The following CHD8 variants were observed in gnomAD, a reference collection of about 807,000 sequenced individuals.
CHD8 encodes the protein ATP-dependent chromatin remodeler CHD8.
CHD8 carries 31 observed loss-of-function variants against 279.2 expected under a neutral mutation model. The ratio of observed to expected loss-of-function variants is 0.11; its 90% CI spans 0.08 to 0.15. The LOEUF is 0.15. Ranked by LOEUF, CHD8 falls within the 10% of genes least tolerant of loss-of-function variation. CHD8 has a pLI of 1.00. For synonymous variants in CHD8, 1,081 were observed against 1,139.6 expected (o/e 0.95, Z 1.04); for missense variants, 2,146 against 3,230.5 (o/e 0.66, Z 8.14).
At chr14:21,397,726 G>T in intron 27 of CHD8, 97 bp downstream of exon 27, 1 of 1,280,000 alleles carries the variant, frequency 7.8e-7, no homozygotes, top group Non-Finnish European at 1.1e-6. Flanking sequence ...TCACTTTTGA[G>T]TATAATTACA....
intron 2 of CHD8, 137 bp downstream of exon 2, chr14:21,430,664 G>A (rs933326421): frequency 1.3e-5 from 8 of 621,134 alleles, no homozygotes; most frequent in Non-Finnish European, 2.0e-5. Context: ...GTATGTGGCT[G>A]TCACACTAAC....
At chr14:21,391,778 T>C in intron 35 of CHD8, 55 bp downstream of exon 35, 1 of 1,535,380 alleles carries the variant, frequency 6.5e-7, no homozygotes, top group East Asian at 2.3e-5. Flanking sequence ...TCATCAATTA[T>C]TGGGAATAAA....
chr14:21,395,397 G>C lies in CHD8; in HGVS notation c.5128-45C>G, dbSNP rs761132070. On this transcript the variant is annotated intron_variant, in intron 28 of 37. Coordinates refer to ENST00000646647, the MANE Select transcript of CHD8 (RefSeq NM_001170629.2). ...CAATAGGATGGAGCGGGGAGGGAAA[G>C]GGGGGGAAGTTGGCACTCTGAAATC... The C allele has an allele frequency of 1.1e-5, 16 of 1,417,326 alleles. No individual in the cohort carries two copies. In the African/African-American group the frequency reaches 1.7e-4, roughly 15 times the overall value. 87.8% of individuals were successfully genotyped at this position (1,417,326 alleles called of 1,614,324 possible).
intron 1 of CHD8, chr14:21,455,244 C>T (rs1004461506): frequency 6.6e-6 from 1 of 152,202 alleles, no homozygotes; most frequent in African/African-American, 2.4e-5. Flanking sequence ...TCTGTGAAGA[C>T]CCTAACCGCT....
chr14:21,386,211 G>A (rs745486291), intron 37 of CHD8, 35 bp from the exon 38 acceptor site: 23 of 1,514,246 alleles, frequency 1.5e-5, no homozygotes, highest in Middle Eastern at 1.8e-4. Flanking sequence ...TAAAAAGAAA[G>A]AAAGGGGAAA....
In CHD8 at chr14:21,405,994, AGT is replaced by A; in HGVS notation, c.2908-132_2908-131del. 3.5e-5 allele frequency: 22 copies of A among 629,468 alleles called. No individual in the cohort carries two copies. Among genetic ancestry groups the A allele is most frequent in the South Asian group, 7.0e-5 (2 of 28,408 alleles). The allele number at this position is 629,468 out of a possible 1,614,324, so 39.0% of individuals were successfully genotyped here. On this transcript the variant is annotated intron_variant, in intron 14 of 37. Coordinates refer to ENST00000646647, the MANE Select transcript of CHD8 (RefSeq NM_001170629.2). The surrounding 1 kb of genome is among the most constrained non-coding windows in gnomAD (Gnocchi z 4.2). ...ATCTATAAAATGATGAGAATGGACC[AGT>A]GATCTGGTCCATTAATTTTTCTTCC... is the stretch of plus-strand genomic sequence containing the variant.
In CHD8 at chr14:21,415,821, CTCT is replaced by C. The variant is rs757502536; in HGVS notation, c.1800_1802del (p.Glu601del). On this transcript the variant is annotated inframe_deletion, in exon 6 of 38. Transcript: ENST00000646647. ...GTTTTATTGGACCAGTTACATCCACCTCTTCTTCTTCTTCATCATCTGTGATCT... is the reference window on the plus strand; with the variant it reads ...GTTTTATTGGACCAGTTACATCCACCTCTTCTTCTTCATCATCTGTGATCT... 9.6e-5 allele frequency: 155 copies of C among 1,613,528 alleles called. No homozygotes were observed. The highest frequency in any genetic ancestry group is 1.0e-4 in the Non-Finnish European group (123 of 1,179,614).
At position 21,399,681 on chromosome 14, in the gene CHD8, T is replaced by C; in HGVS notation, c.4842A>G (p.Val1614=). The C allele has an allele frequency of 6.2e-7, 1 of 1,612,026 alleles. No individual in the cohort carries two copies. Among genetic ancestry groups the C allele is most frequent in the Non-Finnish European group, 8.5e-7 (1 of 1,178,124 alleles). ...TTGTTGGAACCTCCAGTTGATCCAC[T>C]ACTGGGAACCATATGTCAATCTCAC... ...IASEIDIWFP[V]VDQLEVPTTW... Residue 1614 remains valine, a synonymous_variant, in exon 26 of 38, where the codon GTA becomes GTG. Transcript: ENST00000646647.
chr14:21,395,978 A>G, intron 27 of CHD8, 86 bp from the exon 28 acceptor site: 2 of 822,996 alleles, frequency 2.4e-6, no homozygotes, highest in Non-Finnish European at 4.1e-6. Context: ...AGCCACACAT[A>G]TATCCAGCAT....
At position 21,400,847 on chromosome 14, in the gene CHD8, T is replaced by C. The variant is rs1887999216; in HGVS notation, c.4370+28A>G. On this transcript the variant is annotated intron_variant, in intron 22 of 37. Coordinates refer to ENST00000646647, the MANE Select transcript of CHD8 (RefSeq NM_001170629.2). This position sits in a 1 kb window ranked among gnomAD's most constrained non-coding sequence, Gnocchi z 4.2. Reference sequence around the variant, plus strand: ...ATCAGGATGGAGATGCACTATGCACTACCTCTAATGGTAAGTTGGGGTCTT... The same window carrying C: ...ATCAGGATGGAGATGCACTATGCACCACCTCTAATGGTAAGTTGGGGTCTT... 1.3e-6 allele frequency: 2 copies of C among 1,573,640 alleles called. No homozygotes were observed. Among genetic ancestry groups the C allele is most frequent in the South Asian group, 1.2e-5 (1 of 83,878 alleles).
chr14:21,441,621 G>A (rs770805014), intron 1 of CHD8, among the ~76,000 whole-genome samples: 3 of 152,008 alleles, frequency 2.0e-5, no homozygotes, highest in Admixed American at 6.5e-5. Flanking sequence ...GGGCGTGGTG[G>A]CTCATGCCTG....
intron 1 of CHD8, among the ~76,000 whole-genome samples, chr14:21,442,618 C>G (rs546590828): frequency 7.6e-6 from 1 of 132,360 alleles, no homozygotes; most frequent in Non-Finnish European, 1.6e-5. Flanking sequence ...GAGACCCTAT[C>G]AGAAAGGAGA....
intron 37 of CHD8, 35 bp from the exon 38 acceptor site, chr14:21,386,211 G>C (rs745486291): frequency 3.3e-6 from 5 of 1,514,176 alleles, no homozygotes; most frequent in Non-Finnish European, 4.4e-6. Context: ...TAAAAAGAAA[G>C]AAAGGGGAAA....
intron 1 of CHD8, among the ~76,000 whole-genome samples, chr14:21,455,827 C>A (rs922632672): frequency 2.0e-5 from 3 of 152,000 alleles, no homozygotes; most frequent in African/African-American, 7.2e-5. Context: ...CCCCGCGGCC[C>A]GGCAGCCACC....
In CHD8 at chr14:21,402,978, A is replaced by G; in HGVS notation, c.3714+39T>C. 1 of 1,509,796 alleles carries G rather than the reference A, an allele frequency of 6.6e-7. No homozygotes were observed. The highest frequency in any genetic ancestry group is 9.1e-7 in the Non-Finnish European group (1 of 1,099,670). The allele number at this position is 1,509,796 out of a possible 1,614,324, so 93.5% of individuals were successfully genotyped here. A position where few individuals can be genotyped will look rare whatever the true frequency, so the allele number is the denominator to read the frequency against. ...CCTATTCTTGTTGAAAAATCTCCCAAGTTAGGTAGTTAGTCCCTAAGACAA... is the reference window on the plus strand; with the variant it reads ...CCTATTCTTGTTGAAAAATCTCCCAGGTTAGGTAGTTAGTCCCTAAGACAA... On this transcript the variant is annotated intron_variant, in intron 18 of 37. Coordinates refer to ENST00000646647, the MANE Select transcript of CHD8 (RefSeq NM_001170629.2). The surrounding 1 kb of genome is among the most constrained non-coding windows in gnomAD (Gnocchi z 4.5).
chr14:21,400,576 G>C lies in CHD8; in HGVS notation c.4407C>G (p.Arg1469=). Residue 1469 remains arginine, a synonymous_variant, in exon 23 of 38, where the codon CGC becomes CGG. Coordinates refer to ENST00000646647, the MANE Select transcript of CHD8 (RefSeq NM_001170629.2). This position sits in a 1 kb window ranked among gnomAD's most constrained non-coding sequence, Gnocchi z 4.2. ...CTCGTTCAGTCATACGTCGCTTGAA[G>C]CGTCCATGAGATAAAATATCTCGCC... The part of the protein sequence containing the change: ...GRWRDILSHG[R]FKRRMTERDV... The C allele has an allele frequency of 1.3e-6, 2 of 1,586,090 alleles. No homozygotes were observed. The highest frequency in any genetic ancestry group is 8.5e-7 in the Non-Finnish European group (1 of 1,173,186).
intron 1 of CHD8, among the ~76,000 whole-genome samples, chr14:21,444,392 G>C (rs956369474): frequency 2.0e-5 from 3 of 152,194 alleles, no homozygotes; most frequent in Non-Finnish European, 4.4e-5. Context: ...CTATGAGCTT[G>C]AGTGCACACT....
chr14:21,431,790 T>C lies in CHD8; in HGVS notation c.-147A>G, dbSNP rs201323758. 74 of 1,613,348 alleles carry C rather than the reference T, an allele frequency of 4.6e-5. No individual in the cohort carries two copies. The highest frequency in any genetic ancestry group is 1.6e-4 in the Middle Eastern group (1 of 6,084). On this transcript the variant is annotated 5_prime_UTR_variant, in exon 2 of 38. Coordinates refer to ENST00000646647, the MANE Select transcript of CHD8 (RefSeq NM_001170629.2). ...TTCAAGTATAGAGGCAAGAAACAAGTGCATGTCAGATTGTCCTGACCTTCA... is the reference window on the plus strand; with the variant it reads ...TTCAAGTATAGAGGCAAGAAACAAGCGCATGTCAGATTGTCCTGACCTTCA...
At chr14:21,404,241 T>C (rs893028453) in intron 16 of CHD8, among the ~76,000 whole-genome samples, 1 of 150,304 alleles carries the variant, frequency 6.7e-6, no homozygotes, top group Non-Finnish European at 1.5e-5. Flanking sequence ...CTACTAAAAA[T>C]ACAAAAAATT....
Sources: gnomAD v4.1 joint callset for allele counts (sites outside exome capture counted in the v4.1 genomes callset) on GRCh38, gnomAD v4.1.1 for gene constraint, Gnocchi (gnomAD v3.1) non-coding constraint, MANE v1.5 for transcripts, NCBI Gene and HGNC (gene_info 2026-07-23, HGNC 2026-07-21) for gene names.